TMOD2: variants seen among roughly 807,000 people sequenced by gnomAD.
The protein encoded by TMOD2 is tropomodulin 2, also known as tropomodulin-2.
Under a neutral mutation model 39.9 loss-of-function variants are expected in TMOD2, and 22 were observed. The ratio of observed to expected loss-of-function variants is 0.55; its 90% CI spans 0.39 to 0.79. The LOEUF (loss-of-function observed/expected upper bound fraction) is 0.79, where lower values mean the gene tolerates loss of function less well. TMOD2 is among the 30% of genes least tolerant of loss of function. TMOD2 has a pLI of 0.00. For synonymous variants in TMOD2, 123 were observed against 146.1 expected (o/e 0.84, Z 1.14); for missense variants, 386 against 413.3 (o/e 0.93, Z 0.57).
intron 5 of TMOD2, among the ~76,000 whole-genome samples, chr15:51,779,086 G>A (rs193194599): frequency 3.3e-5 from 5 of 152,146 alleles, no homozygotes; most frequent in Admixed American, 3.3e-4. Flanking sequence ...CTTCTGAGTA[G>A]CTGGGACTAC....
intron 3 of TMOD2, 138 bp downstream of exon 3, chr15:51,768,556 G>A (rs1004373329): frequency 2.0e-5 from 18 of 910,140 alleles, no homozygotes; most frequent in Admixed American, 1.8e-4. Context: ...CCCAGACATG[G>A]GAAATAAGCC....
At chr15:51,772,922 C>G (rs1567237993) in intron 3 of TMOD2, among the ~76,000 whole-genome samples, 1 of 152,160 alleles carries the variant, frequency 6.6e-6, no homozygotes. Flanking sequence ...AGCCCACATG[C>G]CACATTTTCC....
Position 51,806,390 on chromosome 15 carries a change from G to A in TMOD2, c.890G>A (p.Gly297Glu). The change falls in exon 9 of 10, where the codon GGA becomes GAA. Residue 297 changes from glycine to glutamate, a missense_variant. By Grantham distance (98) the Gly-to-Glu change is moderately conservative (BLOSUM62 -2). Transcript: ENST00000249700. ...IKIDNQRQQLGTAVEMEIAQM... is the reference protein window; with the variant it reads ...IKIDNQRQQLETAVEMEIAQM... Reference sequence around the variant, plus strand: ...ACCTGCAACCAGAGGCAGCAGTTGGGAACAGCTGTAGAGATGGAAATTGCC... The same window carrying A: ...ACCTGCAACCAGAGGCAGCAGTTGGAAACAGCTGTAGAGATGGAAATTGCC... 6.2e-7 allele frequency: 1 copy of A among 1,614,114 alleles called. No individual in the cohort carries two copies. The highest frequency in any genetic ancestry group is 8.5e-7 in the Non-Finnish European group (1 of 1,179,990).
In TMOD2 at chr15:51,814,375, G is replaced by GC. The variant is rs1390401270; in HGVS notation, c.*5922dup. ...GTGAGATCACCTCTCCAGGGCAGCA[G>GC]CTGCCTTGTTATCACCAGCAACCTT... On this transcript the variant is annotated 3_prime_UTR_variant, in exon 10 of 10. Coordinates refer to ENST00000249700, the MANE Select transcript of TMOD2 (RefSeq NM_014548.4). The GC allele has an allele frequency of 6.6e-6, 1 of 152,246 alleles. No homozygotes were observed. The highest frequency in any genetic ancestry group is 1.5e-5 in the Non-Finnish European group (1 of 68,058). 9.4% of individuals were successfully genotyped at this position (152,246 alleles called of 1,614,324 possible). A position where few individuals can be genotyped will look rare whatever the true frequency, so the allele number is the denominator to read the frequency against.
At chr15:51,797,241 G>A (rs868079801) in intron 7 of TMOD2, among the ~76,000 whole-genome samples, 2 of 152,064 alleles carry the variant, frequency 1.3e-5, no homozygotes, top group African/African-American at 2.4e-5. Context: ...CTCTGTTTCC[G>A]CACTGCTTCT....
At position 51,813,489 on chromosome 15, in the gene TMOD2, G is replaced by C. The variant is rs1240675669; in HGVS notation, c.*5035G>C. 1 of 152,176 alleles carries C rather than the reference G, an allele frequency of 6.6e-6. No individual in the cohort carries two copies. Among genetic ancestry groups the C allele is most frequent in the Admixed American group, 6.5e-5 (1 of 15,272 alleles). 9.4% of individuals were successfully genotyped at this position (152,176 alleles called of 1,614,324 possible). A position where few individuals can be genotyped will look rare whatever the true frequency, so the allele number is the denominator to read the frequency against. On this transcript the variant is annotated 3_prime_UTR_variant, in exon 10 of 10. Coordinates refer to ENST00000249700, the MANE Select transcript of TMOD2 (RefSeq NM_014548.4). ...CATGGTAGACATTCTGAGCACATTG[G>C]CCCAGTTAGTTGGTATGGTGAAGGG...
chr15:51,796,998 T>C (rs1275493987), intron 7 of TMOD2, among the ~76,000 whole-genome samples: 1 of 152,186 alleles, frequency 6.6e-6, no homozygotes, highest in Non-Finnish European at 1.5e-5. Context: ...AAACAGATGA[T>C]TCACCTCCTG....
intron 1 of TMOD2, among the ~76,000 whole-genome samples, chr15:51,756,917 G>A (rs905211536): frequency 6.6e-6 from 1 of 152,056 alleles, no homozygotes; most frequent in African/African-American, 2.4e-5. Flanking sequence ...CAAAACAGGC[G>A]GTTGCTGTGT....
chr15:51,757,889 AC>A (rs2055753577), intron 1 of TMOD2, among the ~76,000 whole-genome samples: 1 of 152,164 alleles, frequency 6.6e-6, no homozygotes, highest in Admixed American at 6.5e-5. Context: ...ATGTAGCGAG[AC>A]CCTGTCTCTA....
chr15:51,754,224 T>G (rs1370574334), intron 1 of TMOD2, among the ~76,000 whole-genome samples: 2 of 152,192 alleles, frequency 1.3e-5, no homozygotes, highest in Admixed American at 6.5e-5. Flanking sequence ...CCCTTTCCTC[T>G]CTGTGTCCGA....
rs567213903 is a variant in TMOD2, at chr15:51,768,840, GT to G, written c.283+423del. 2.0e-3 allele frequency among the ~76,000 whole-genome samples: 303 copies of G among 151,914 alleles called. 1 individual carries two copies. The Middle Eastern group carries it at 0.027, about 14-fold the overall frequency. ...AGTATTTATTTTATTGTCGTGGAGGGTCAAGCAAGGGAACTGTCCCGGAAAT... is the reference window on the plus strand; with the variant it reads ...AGTATTTATTTTATTGTCGTGGAGGGCAAGCAAGGGAACTGTCCCGGAAAT... On this transcript the variant is annotated intron_variant, in intron 3 of 9. Coordinates refer to ENST00000249700, the MANE Select transcript of TMOD2 (RefSeq NM_014548.4).
rs8039052 is a variant in TMOD2 at position 51,777,573 on chromosome 15, G to A, written c.493+555G>A. On this transcript the variant is annotated intron_variant, in intron 5 of 9. Transcript: ENST00000249700. The stretch of plus-strand genomic sequence containing the variant: ...CTATGTCAACGTTTCCTATAGACGT[G>A]TACAATTAATTAGACTTTTTTATTC... Among the ~76,000 whole-genome samples, 1,424 of 152,194 alleles carry A rather than the reference G, an allele frequency of 9.4e-3. 22 individuals are homozygous for A. Among genetic ancestry groups the A allele is most frequent in the African/African-American group, 0.033 (1,373 of 41,524 alleles).
chr15:51,790,201 A>T (rs1670674822), intron 7 of TMOD2, among the ~76,000 whole-genome samples: 3 of 152,186 alleles, frequency 2.0e-5, no homozygotes, highest in Admixed American at 1.3e-4. Flanking sequence ...AGAAATACAA[A>T]CTATCATCAG....
intron 7 of TMOD2, among the ~76,000 whole-genome samples, chr15:51,794,097 A>G (rs1016190555): frequency 1.3e-5 from 2 of 152,198 alleles, no homozygotes; most frequent in Non-Finnish European, 2.9e-5. Context: ...CCAGGGGACA[A>G]TAGGCAGCAT....
chr15:51,783,755 A>ATAGATAGATAGT (rs1360845067), intron 7 of TMOD2: 1 of 149,450 alleles, frequency 6.7e-6, no homozygotes, highest in African/African-American at 2.5e-5. Flanking sequence ...TGATAGATAG[A>ATAGATAGATAGT]TAGATAGATA....
rs16964509 is a variant in TMOD2 at position 51,766,747 on chromosome 15, G to A, written c.126+180G>A. 7.2e-3 allele frequency: 3,598 copies of A among 502,234 alleles called. 25 individuals carry two copies. Among genetic ancestry groups the A allele is most frequent in the African/African-American group, 0.019 (968 of 51,846 alleles). The allele number at this position is 502,234 out of a possible 1,614,324, so 31.1% of individuals were successfully genotyped here. The stretch of plus-strand genomic sequence containing the variant: ...TAGAGAACCTCATAGCCACTACAGT[G>A]TGATACAGCAAATGTATTTCTCAAA... On this transcript the variant is annotated intron_variant, in intron 2 of 9. Coordinates refer to ENST00000249700, the MANE Select transcript of TMOD2 (RefSeq NM_014548.4).
rs986665223 is a variant in TMOD2 at position 51,813,546 on chromosome 15, C to T, written c.*5092C>T. 6.6e-6 allele frequency: 1 copy of T among 152,196 alleles called. No individual in the cohort carries two copies. Among genetic ancestry groups the T allele is most frequent in the African/African-American group, 2.4e-5 (1 of 41,448 alleles). The allele number at this position is 152,196 out of a possible 1,614,324, so 9.4% of individuals were successfully genotyped here. ...TACTAACAGATTTGGAGACTGAAAC[C>T]TAATCCCATCACCAACACTTAGCAG... On this transcript the variant is annotated 3_prime_UTR_variant, in exon 10 of 10. Transcript: ENST00000249700.
chr15:51,808,207 C>G (rs1016404793), intron 9 of TMOD2, among the ~76,000 whole-genome samples: 2 of 152,218 alleles, frequency 1.3e-5, no homozygotes, highest in Middle Eastern at 3.4e-3. Context: ...CTCGAGTACC[C>G]AACTATCAGA....
At chr15:51,754,381 A>G (rs2141609535) in intron 1 of TMOD2, among the ~76,000 whole-genome samples, 1 of 152,322 alleles carries the variant, frequency 6.6e-6, no homozygotes, top group East Asian at 1.9e-4. Context: ...TGTGTAAATC[A>G]TATACAACCA....
Sources: allele counts gnomAD v4.1 joint callset (sites outside exome capture counted in the v4.1 genomes callset), GRCh38; gene constraint gnomAD v4.1.1; transcripts MANE v1.5; gene names NCBI Gene and HGNC (gene_info 2026-07-23, HGNC 2026-07-21).